Variants in ITGA4 observed in about 807,000 individuals in gnomAD.
ITGA4 encodes the protein integrin subunit alpha 4, also known as integrin alpha-4.
ITGA4 carries 63 observed loss-of-function variants against 133.6 expected under a neutral mutation model. The observed-to-expected ratio is 0.47, with a 90% CI of 0.38 to 0.58. The LOEUF (loss-of-function observed/expected upper bound fraction) is 0.58. Ranked by LOEUF, ITGA4 falls within the 20% of genes least tolerant of loss-of-function variation. ITGA4 has a pLI of 0.00. For missense variants in ITGA4, 1,076 were observed against 1,252.7 expected, an observed-to-expected ratio of 0.86 and a Z score of 2.13; for synonymous variants, 483 against 438.0, an observed-to-expected ratio of 1.10 and a Z score of -1.28.
chr2:181,473,833 G>GT (rs1201671798), intron 2 of ITGA4, among the ~76,000 whole-genome samples: 6 of 152,174 alleles, frequency 3.9e-5, no homozygotes, highest in Non-Finnish European at 8.8e-5. Context: ...TTGTATCTCT[G>GT]TAAGTGTTCT....
At chr2:181,496,940 T>TAGGTACACAATGAGCCTGTACCTGAA (rs757685317) in intron 14 of ITGA4, among the ~76,000 whole-genome samples, 1 of 152,162 alleles carries the variant, frequency 6.6e-6, no homozygotes, top group South Asian at 2.1e-4. Flanking sequence ...TAGTATGCAT[T>TAGGTACACAATGAGCCTGTACCTGAA]AGGTACACAA....
intron 11 of ITGA4, among the ~76,000 whole-genome samples, chr2:181,494,426 G>A (rs1216346914): frequency 6.6e-6 from 1 of 152,152 alleles, no homozygotes; most frequent in African/African-American, 2.4e-5. Flanking sequence ...AGGTGCCATA[G>A]TGAGACCCCC....
Position 181,491,126 on chromosome 2 carries a change from C to T in ITGA4, c.1154-2199C>T, listed in dbSNP as rs1263807045. Among the ~76,000 whole-genome samples the T allele has an allele frequency of 6.6e-5, 10 of 152,230 alleles. No individual in the cohort carries two copies. The East Asian group carries it at 1.9e-3, about 29-fold the overall frequency. On this transcript the variant is annotated intron_variant, in intron 10 of 27. Coordinates refer to ENST00000397033, the MANE Select transcript of ITGA4 (RefSeq NM_000885.6). The stretch of plus-strand genomic sequence containing the variant: ...CCAGAGATTGAATATACCCAAGTGT[C>T]CTCTGTATGGAAAAAAATTTATCTG...
chr2:181,494,420 G>T (rs1686118708), intron 11 of ITGA4, among the ~76,000 whole-genome samples: 1 of 152,146 alleles, frequency 6.6e-6, no homozygotes, highest in African/African-American at 2.4e-5. Context: ...CAGCCCAGGT[G>T]CCATAGTGAG....
At chr2:181,462,448 G>A (rs1007931987) in intron 2 of ITGA4, among the ~76,000 whole-genome samples, 2 of 152,032 alleles carry the variant, frequency 1.3e-5, no homozygotes, top group Non-Finnish European at 2.9e-5. Flanking sequence ...TGATTCATAG[G>A]AGTTATTAGC....
chr2:181,476,515 T>A (rs2105728098), intron 4 of ITGA4, among the ~76,000 whole-genome samples: 1 of 152,304 alleles, frequency 6.6e-6, no homozygotes, highest in Non-Finnish European at 1.5e-5. Flanking sequence ...TTCATAGAAG[T>A]TTACTTATAT....
rs199695201 is a variant in ITGA4 at position 181,480,262 on chromosome 2, T to C, written c.750T>C (p.Tyr250=). 2 of 1,415,034 alleles carry C rather than the reference T, an allele frequency of 1.4e-6. No homozygotes were observed. The highest frequency in any genetic ancestry group is 1.9e-6 in the Non-Finnish European group (2 of 1,051,368). The allele number at this position is 1,415,034 out of a possible 1,614,324, so 87.7% of individuals were successfully genotyped here. ...DKQNQVKFGS[Y]LGYSVGAGHF... ...AAAATCAAGTAAAATTTGGAAGTTA[T>C]TTAGGTACTATAAAAATTGACAAAC... The change falls in exon 6 of 28, where the codon TAT becomes TAC. Residue 250 remains tyrosine, a synonymous_variant. Transcript: ENST00000397033.
intron 20 of ITGA4, among the ~76,000 whole-genome samples, chr2:181,524,547 A>G (rs1246694988): frequency 2.0e-5 from 3 of 152,220 alleles, no homozygotes; most frequent in Non-Finnish European, 2.9e-5. Context: ...TAACTCTACA[A>G]GATTTAAAAG....
intron 16 of ITGA4, among the ~76,000 whole-genome samples, chr2:181,510,356 C>T (rs370541360): frequency 6.6e-6 from 1 of 152,244 alleles, no homozygotes; most frequent in East Asian, 1.9e-4. Flanking sequence ...ATGGATCCTA[C>T]ATTCTAACCA....
intron 10 of ITGA4, among the ~76,000 whole-genome samples, chr2:181,487,442 T>C (rs936195614): frequency 6.6e-6 from 1 of 152,184 alleles, no homozygotes; most frequent in African/African-American, 2.4e-5. Context: ...ACTCGTCACA[T>C]TGAGTTCACA....
At chr2:181,467,389 A>T (rs1435592474) in intron 2 of ITGA4, among the ~76,000 whole-genome samples, 2 of 152,194 alleles carry the variant, frequency 1.3e-5, no homozygotes, top group African/African-American at 4.8e-5. Context: ...TGGGGAAGTG[A>T]CAGTACGATG....
rs144637317 is a variant in ITGA4 at position 181,502,917 on chromosome 2, C to T, written c.1695+4140C>T. Reference sequence around the variant, plus strand: ...AGTGAAGCAAGCAAGGAGCATGCAGCGGGAGGGAATGTACAAGGGAATGGT... The same window carrying T: ...AGTGAAGCAAGCAAGGAGCATGCAGTGGGAGGGAATGTACAAGGGAATGGT... On this transcript the variant is annotated intron_variant, in intron 15 of 27. Transcript: ENST00000397033. Among the ~76,000 whole-genome samples the T allele has an allele frequency of 3.6e-3, 542 of 151,596 alleles. 4 individuals are homozygous for T. The highest frequency in any genetic ancestry group is 0.012 in the African/African-American group (504 of 41,284).
intron 9 of ITGA4, 121 bp downstream of exon 9, chr2:181,482,772 T>G: frequency 1.2e-6 from 1 of 865,102 alleles, no homozygotes; most frequent in Non-Finnish European, 1.8e-6. Flanking sequence ...GTTAAAATTC[T>G]AATACTGTAC....
intron 6 of ITGA4, among the ~76,000 whole-genome samples, chr2:181,481,097 T>A (rs1685791401): frequency 6.6e-6 from 1 of 152,196 alleles, no homozygotes. Context: ...TTCAATGTTT[T>A]CTTGTTTATG....
chr2:181,527,554 C>T (rs1686860015), intron 22 of ITGA4, 167 bp downstream of exon 22: 2 of 538,128 alleles, frequency 3.7e-6, no homozygotes, highest in Non-Finnish European at 3.4e-6. Context: ...ACCCCTGCTG[C>T]TTTCCTTCCA....
chr2:181,461,797 C>A (rs35890916), intron 2 of ITGA4, among the ~76,000 whole-genome samples: 13,648 of 152,192 alleles, frequency 0.09, 812 homozygotes, highest in East Asian at 0.2. Flanking sequence ...TATACAATTA[C>A]ACTATCCAGT....
chr2:181,494,674 A>G, intron 11 of ITGA4, 48 bp from the exon 12 acceptor site: 2 of 907,466 alleles, frequency 2.2e-6, no homozygotes, highest in South Asian at 2.6e-5. Context: ...CTTCTCTGGT[A>G]TATTAGTATT....
At chr2:181,507,150 C>T (rs1258558512) in intron 15 of ITGA4, among the ~76,000 whole-genome samples, 7 of 152,214 alleles carry the variant, frequency 4.6e-5, no homozygotes, top group Non-Finnish European at 7.4e-5. Flanking sequence ...ATCAAATTAT[C>T]TCCTGCGTAT....
chr2:181,522,383 T>C, intron 18 of ITGA4, 42 bp downstream of exon 18: 1 of 1,386,314 alleles, frequency 7.2e-7, no homozygotes, highest in Non-Finnish European at 9.8e-7. Flanking sequence ...TACTTGGTAT[T>C]TTACTTAATT....
Sources: gnomAD v4.1 joint callset for allele counts (sites outside exome capture counted in the v4.1 genomes callset) on GRCh38, gnomAD v4.1.1 for gene constraint, MANE v1.5 for transcripts, NCBI Gene and HGNC (gene_info 2026-07-23, HGNC 2026-07-21) for gene names.